PRKN: variants seen among roughly 807,000 people sequenced by gnomAD.
PRKN encodes the protein parkin RBR E3 ubiquitin protein ligase.
A neutral mutation model predicts 59.5 loss-of-function variants in PRKN; 56 were observed. That is an observed-to-expected ratio of 0.94 (90% CI 0.76 to 1.18). PRKN has a LOEUF of 1.18. PRKN is among the 50% of genes most tolerant of loss of function. The pLI is 0.00. For missense variants in PRKN, 657 were observed against 596.4 expected (o/e 1.10, Z -1.06); for synonymous variants, 250 against 222.1 (o/e 1.13, Z -1.12).
chr6:162,713,703 T>C (rs1332710603), intron 1 of PRKN, among the ~76,000 whole-genome samples: 6 of 152,086 alleles, frequency 3.9e-5, no homozygotes, highest in African/African-American at 1.2e-4. Context: ...GTATGATTAT[T>C]GGCAAAATAT....
chr6:161,831,196 A>C (rs921786044), intron 6 of PRKN, among the ~76,000 whole-genome samples: 1 of 152,256 alleles, frequency 6.6e-6, no homozygotes, highest in Non-Finnish European at 1.5e-5. Flanking sequence ...AGAAACATAC[A>C]GGTGGTCTGC....
chr6:162,479,623 C>T (rs1331986359), intron 1 of PRKN, among the ~76,000 whole-genome samples: 1 of 152,142 alleles, frequency 6.6e-6, no homozygotes, highest in Non-Finnish European at 1.5e-5. Flanking sequence ...TGTCTCCCAC[C>T]TCCACTCACA....
chr6:162,622,394 G>C (rs1782713304), intron 1 of PRKN, among the ~76,000 whole-genome samples: 2 of 151,594 alleles, frequency 1.3e-5, no homozygotes, highest in Non-Finnish European at 2.9e-5. Flanking sequence ...ATGTTGGCCA[G>C]GTTGGTCTCC....
At chr6:162,317,604 C>G (rs1782805510) in intron 2 of PRKN, among the ~76,000 whole-genome samples, 1 of 152,060 alleles carries the variant, frequency 6.6e-6, no homozygotes, top group Non-Finnish European at 1.5e-5. Flanking sequence ...GAAACTCACA[C>G]ACTCACTCGA....
At chr6:162,505,132 G>A (rs1793553597) in intron 1 of PRKN, among the ~76,000 whole-genome samples, 1 of 152,210 alleles carries the variant, frequency 6.6e-6, no homozygotes, top group South Asian at 2.1e-4. Context: ...AGAGAGAAAT[G>A]TGTAAAGAGC....
intron 1 of PRKN, among the ~76,000 whole-genome samples, chr6:162,601,341 A>G (rs1781701563): frequency 8.7e-6 from 1 of 114,570 alleles, no homozygotes; most frequent in South Asian, 3.3e-4. Context: ...CATTCAAACC[A>G]CGGTAAATGG....
At chr6:161,589,532 A>G (rs1271889277) in intron 7 of PRKN, among the ~76,000 whole-genome samples, 2 of 151,838 alleles carry the variant, frequency 1.3e-5, no homozygotes, top group Non-Finnish European at 2.9e-5. Context: ...CTTCAGGTAG[A>G]TAACTCGTGG....
intron 1 of PRKN, among the ~76,000 whole-genome samples, chr6:162,666,349 CA>C (rs1264970037): frequency 1.3e-5 from 2 of 151,544 alleles, no homozygotes; most frequent in Non-Finnish European, 1.5e-5. Context: ...AGTAAATCTG[CA>C]AAGAAGCTAT....
intron 9 of PRKN, among the ~76,000 whole-genome samples, chr6:161,411,438 T>A (rs1284229506): frequency 6.6e-6 from 1 of 152,214 alleles, no homozygotes; most frequent in Non-Finnish European, 1.5e-5. Flanking sequence ...TGTGGAATTG[T>A]GAGTCAGTTA....
At chr6:161,930,030 A>T (rs964419343) in intron 6 of PRKN, among the ~76,000 whole-genome samples, 1 of 152,188 alleles carries the variant, frequency 6.6e-6, no homozygotes, top group Non-Finnish European at 1.5e-5. Context: ...CCTGTTGGCA[A>T]TGCCACTGAA....
At chr6:162,312,456 G>A (rs1782557998) in intron 2 of PRKN, among the ~76,000 whole-genome samples, 1 of 152,102 alleles carries the variant, frequency 6.6e-6, no homozygotes, top group South Asian at 2.1e-4. Context: ...CATGCAAGGT[G>A]ACCATGTACT....
chr6:162,443,266 T>C (rs1360823024), intron 2 of PRKN, 44 bp downstream of exon 2: 5 of 1,604,662 alleles, frequency 3.1e-6, no homozygotes, highest in Non-Finnish European at 4.3e-6. Context: ...GCATGAGCAA[T>C]GGAGCTGGCG....
chr6:161,723,040 G>A (rs147141403), intron 7 of PRKN, among the ~76,000 whole-genome samples: 297 of 152,236 alleles, frequency 2.0e-3, no homozygotes, highest in African/African-American at 5.7e-3. Context: ...AGGCCAAGGC[G>A]GGTGGATCAC....
At chr6:162,583,617 C>T (rs1380942763) in intron 1 of PRKN, among the ~76,000 whole-genome samples, 1 of 152,172 alleles carries the variant, frequency 6.6e-6, no homozygotes, top group Non-Finnish European at 1.5e-5. Context: ...AATGCTCTAT[C>T]ACTCAGCATC....
At chr6:161,486,159 T>C (rs779256051) in intron 9 of PRKN, among the ~76,000 whole-genome samples, 5 of 152,310 alleles carry the variant, frequency 3.3e-5, no homozygotes, top group Non-Finnish European at 7.3e-5. Context: ...CATGTAATCA[T>C]GTATTATTTC....
intron 6 of PRKN, among the ~76,000 whole-genome samples, chr6:161,841,718 C>T (rs984479771): frequency 2.6e-5 from 4 of 152,138 alleles, no homozygotes; most frequent in Non-Finnish European, 5.9e-5. Flanking sequence ...GTTGGTTTAC[C>T]TTCAATATCT....
At chr6:162,695,368 G>C (rs1471185293) in intron 1 of PRKN, among the ~76,000 whole-genome samples, 1 of 151,978 alleles carries the variant, frequency 6.6e-6, no homozygotes, top group Non-Finnish European at 1.5e-5. Flanking sequence ...GTATCATTAA[G>C]AAAATCTAAA....
chr6:161,769,923 T>A (rs1224157915), intron 7 of PRKN, among the ~76,000 whole-genome samples: 3 of 152,142 alleles, frequency 2.0e-5, no homozygotes, highest in Non-Finnish European at 4.4e-5. Context: ...CTGTTGGCAG[T>A]TTAGTCCACA....
chr6:161,467,038 C>A lies in PRKN; in HGVS notation c.1084-80161G>T, dbSNP rs945678821. 6.6e-6 allele frequency among the ~76,000 whole-genome samples: 1 copy of A among 152,208 alleles called. No individual in the cohort carries two copies. Among genetic ancestry groups the A allele is most frequent in the African/African-American group, 2.4e-5 (1 of 41,454 alleles). On this transcript the variant is annotated intron_variant, in intron 9 of 11. Coordinates refer to ENST00000366898, the MANE Select transcript of PRKN (RefSeq NM_004562.3). The surrounding 1 kb of genome is among the most constrained non-coding windows in gnomAD (Gnocchi z 4.3). ...TTCTCTCTGCAGAATGTTCTACATC[C>A]CAGAAACCAGGATTGTTTGCCACTG...
Sources: allele counts gnomAD v4.1 joint callset (sites outside exome capture counted in the v4.1 genomes callset), GRCh38; gene constraint gnomAD v4.1.1; non-coding constraint Gnocchi (gnomAD v3.1); transcripts MANE v1.5; gene names NCBI Gene and HGNC (gene_info 2026-07-23, HGNC 2026-07-21).